The following PTPRD variants were observed in gnomAD, a reference collection of about 807,000 sequenced individuals.
PTPRD encodes receptor-type tyrosine-protein phosphatase delta.
PTPRD carries 34 observed loss-of-function variants against 214.5 expected under a neutral mutation model. The observed-to-expected ratio is 0.16, with a 90% CI of 0.12 to 0.21. The LOEUF (loss-of-function observed/expected upper bound fraction) is 0.21, where lower values mean the gene tolerates loss of function less well. Among genes scored for constraint, PTPRD ranks in the 10% least tolerant of loss-of-function variants. The pLI, the probability that PTPRD is intolerant of heterozygous loss-of-function variation, is 1.00. For missense variants in PTPRD, 2,545 were observed against 2,398.7 expected, an observed-to-expected ratio of 1.06 and a Z score of -1.27; for synonymous variants, 1,128 against 845.7, an observed-to-expected ratio of 1.33 and a Z score of -5.79.
intron 11 of PTPRD, among the ~76,000 whole-genome samples, chr9:8,848,814 G>A (rs2097758551): frequency 8.0e-6 from 1 of 125,548 alleles, no homozygotes; most frequent in Non-Finnish European, 1.8e-5. Context: ...TGCAACCTTG[G>A]GCAAATTACT....
intron 11 of PTPRD, among the ~76,000 whole-genome samples, chr9:8,775,065 T>G (rs1394658522): frequency 1.3e-5 from 2 of 152,172 alleles, no homozygotes; most frequent in African/African-American, 4.8e-5. Context: ...TTAATTGCTA[T>G]GTCCAGTGAT....
At chr9:10,166,797 A>G (rs907228046) in intron 3 of PTPRD, among the ~76,000 whole-genome samples, 7 of 152,130 alleles carry the variant, frequency 4.6e-5, no homozygotes, top group Admixed American at 2.6e-4. Flanking sequence ...TTTTTCCACT[A>G]TATCAGATGT....
At chr9:10,592,992 C>G (rs1251973212) in intron 2 of PTPRD, among the ~76,000 whole-genome samples, 3 of 151,966 alleles carry the variant, frequency 2.0e-5, no homozygotes, top group Non-Finnish European at 2.9e-5. Flanking sequence ...CTGCTGCTCA[C>G]TCTTTGGGTC....
At chr9:10,554,994 G>C (rs931232194) in intron 2 of PTPRD, among the ~76,000 whole-genome samples, 2 of 152,302 alleles carry the variant, frequency 1.3e-5, no homozygotes, top group Middle Eastern at 3.4e-3. Flanking sequence ...CTACCATTTA[G>C]ATAAGAATGT....
At chr9:8,515,188 C>A (rs1032321509) in intron 21 of PTPRD, among the ~76,000 whole-genome samples, 1 of 152,148 alleles carries the variant, frequency 6.6e-6, no homozygotes, top group Admixed American at 6.5e-5. Flanking sequence ...AGTAACCTTA[C>A]GACCTACGGC....
intron 10 of PTPRD, among the ~76,000 whole-genome samples, chr9:9,119,943 C>T (rs1411645319): frequency 2.0e-5 from 3 of 151,810 alleles, no homozygotes; most frequent in African/African-American, 7.3e-5. Flanking sequence ...GCATTATATA[C>T]ATTAAAAAAA....
intron 14 of PTPRD, among the ~76,000 whole-genome samples, chr9:8,595,519 T>C (rs1025983697): frequency 6.6e-6 from 1 of 152,186 alleles, no homozygotes; most frequent in African/African-American, 2.4e-5. Context: ...ACTTTATATA[T>C]GTATGTATAG....
intron 11 of PTPRD, among the ~76,000 whole-genome samples, chr9:8,833,929 G>A (rs756015916): frequency 0.12 from 18,422 of 151,558 alleles, 1,366 homozygotes; most frequent in East Asian, 0.27. Flanking sequence ...AAAAACACCG[G>A]GCATTTTAAG....
intron 2 of PTPRD, among the ~76,000 whole-genome samples, chr9:10,482,354 G>C (rs1227543884): frequency 6.6e-6 from 1 of 152,016 alleles, no homozygotes; most frequent in Non-Finnish European, 1.5e-5. Flanking sequence ...CTGGGCGACA[G>C]AGCAAGACTC....
At chr9:10,166,499 C>T (rs982217323) in intron 3 of PTPRD, among the ~76,000 whole-genome samples, 3 of 151,910 alleles carry the variant, frequency 2.0e-5, no homozygotes, top group Non-Finnish European at 4.4e-5. Flanking sequence ...TCATCAACCG[C>T]ACAACCCTTT....
intron 2 of PTPRD, among the ~76,000 whole-genome samples, chr9:10,390,385 G>A (rs1224767827): frequency 6.6e-6 from 1 of 151,702 alleles, no homozygotes; most frequent in African/African-American, 2.4e-5. Flanking sequence ...TTCTTTTCTG[G>A]ATTAACACTA....
At chr9:9,242,121 T>C (rs1454159061) in intron 9 of PTPRD, among the ~76,000 whole-genome samples, 2 of 152,126 alleles carry the variant, frequency 1.3e-5, no homozygotes, top group South Asian at 2.1e-4. Flanking sequence ...TTTGGCTGGA[T>C]ATGAAATTCT....
chr9:8,520,557 T>A (rs2097867274), intron 20 of PTPRD, among the ~76,000 whole-genome samples: 1 of 152,142 alleles, frequency 6.6e-6, no homozygotes, highest in Admixed American at 6.5e-5. Flanking sequence ...TAAGTTGCCC[T>A]ATGTCTGACT....
chr9:9,749,631 G>C (rs2098496248), intron 6 of PTPRD, among the ~76,000 whole-genome samples: 1 of 152,022 alleles, frequency 6.6e-6, no homozygotes, highest in Non-Finnish European at 1.5e-5. Context: ...ACACCACAGG[G>C]TCAGTAAAAG....
At chr9:9,058,580 G>C (rs1486823930) in intron 10 of PTPRD, among the ~76,000 whole-genome samples, 1 of 148,876 alleles carries the variant, frequency 6.7e-6, no homozygotes, top group Non-Finnish European at 1.5e-5. Flanking sequence ...CTCCCGAGTA[G>C]CTGGGACTAC....
intron 7 of PTPRD, among the ~76,000 whole-genome samples, chr9:9,589,666 A>G (rs2092504999): frequency 6.6e-6 from 1 of 152,080 alleles, no homozygotes; most frequent in Non-Finnish European, 1.5e-5. Flanking sequence ...GATTTTTAAA[A>G]ATCTAAAATG....
chr9:9,991,082 C>G (rs2095900264), intron 4 of PTPRD, among the ~76,000 whole-genome samples: 1 of 150,694 alleles, frequency 6.6e-6, no homozygotes, highest in Non-Finnish European at 1.5e-5. Context: ...TTACAGGCAC[C>G]CACCACCACA....
chr9:10,356,799 C>G (rs527624301), intron 2 of PTPRD, among the ~76,000 whole-genome samples: 6 of 152,088 alleles, frequency 3.9e-5, no homozygotes, highest in African/African-American at 1.4e-4. Flanking sequence ...CCTGCCTCAG[C>G]CTTCTGAGTA....
At chr9:10,048,748 G>T (rs571348590) in intron 3 of PTPRD, among the ~76,000 whole-genome samples, 3 of 151,900 alleles carry the variant, frequency 2.0e-5, no homozygotes, top group South Asian at 4.2e-4. Context: ...GAAAACTAAC[G>T]TTGACCATCA....
Sources: allele counts gnomAD v4.1 joint callset (sites outside exome capture counted in the v4.1 genomes callset), GRCh38; gene constraint gnomAD v4.1.1; transcripts MANE v1.5; gene names NCBI Gene and HGNC (gene_info 2026-07-23, HGNC 2026-07-21).